DIAPH2: variants seen among roughly 807,000 people sequenced by gnomAD.
The protein encoded by DIAPH2 is diaphanous related formin 2.
Under a neutral mutation model 92.7 loss-of-function variants are expected in DIAPH2, and 35 were observed. That is an observed-to-expected ratio of 0.38 (90% CI 0.29 to 0.50). The LOEUF (loss-of-function observed/expected upper bound fraction) is 0.50. DIAPH2 is among the 20% of genes least tolerant of loss of function. DIAPH2 has a pLI of 0.94. For missense variants in DIAPH2, 701 were observed against 819.5 expected (o/e 0.86, Z 1.77); for synonymous variants, 301 against 280.4 (o/e 1.07, Z -0.73).
intron 26 of DIAPH2, among the ~76,000 whole-genome samples, chrX:97,588,224 A>G (rs1482976087): frequency 3.6e-5 from 4 of 112,519 alleles, no homozygotes; most frequent in Non-Finnish European, 5.6e-5. Context: ...GCATAAACGC[A>G]AAGTGGGCCT....
At chrX:97,115,461 G>A (rs1040881948) in intron 21 of DIAPH2, among the ~76,000 whole-genome samples, 3 of 110,810 alleles carry the variant, frequency 2.7e-5, no homozygotes, top group Non-Finnish European at 5.7e-5. Context: ...GCTTGAACAC[G>A]GGAGGCGGGG....
At chrX:97,327,230 C>G (rs1226996003) in intron 23 of DIAPH2, among the ~76,000 whole-genome samples, 1 of 109,648 alleles carries the variant, frequency 9.1e-6, no homozygotes, top group Non-Finnish European at 1.9e-5. Flanking sequence ...TCCAAAGTAG[C>G]TGGGATTACA....
chrX:97,271,840 CACACACAT>C (rs1454709877), intron 23 of DIAPH2, among the ~76,000 whole-genome samples: 1 of 108,564 alleles, frequency 9.2e-6, no homozygotes, highest in Non-Finnish European at 1.9e-5. Context: ...CACACACACA[CACACACAT>C]GCGTACAGAC....
intron 17 of DIAPH2, among the ~76,000 whole-genome samples, chrX:96,979,537 T>C (rs907591425): frequency 1.8e-5 from 2 of 112,508 alleles, no homozygotes; most frequent in Non-Finnish European, 3.7e-5. Flanking sequence ...TTCATTTGGC[T>C]TGTATTTAGA....
chrX:97,366,519 T>C (rs2069382973), intron 24 of DIAPH2, among the ~76,000 whole-genome samples: 1 of 111,983 alleles, frequency 8.9e-6, no homozygotes, highest in Non-Finnish European at 1.9e-5. Flanking sequence ...CATTCTAGCA[T>C]CAAACCTCTC....
Position 96,735,748 on chromosome X carries a change from G to A in DIAPH2, c.133-10G>A. The A allele has an allele frequency of 9.5e-7, 1 of 1,054,054 alleles. No individual in the cohort carries two copies. Among genetic ancestry groups the A allele is most frequent in the Non-Finnish European group, 1.3e-6 (1 of 776,854 alleles). The allele number at this position is 1,054,054 out of a possible 1,213,427, so 86.9% of individuals were successfully genotyped here. A position where few individuals can be genotyped will look rare whatever the true frequency, so the allele number is the denominator to read the frequency against. ...GGTTTTTTTTGTTTGTTTCTTTTTGGTTTTAATAGAACATTCAAATAAAAA... is the reference window on the plus strand; with the variant it reads ...GGTTTTTTTTGTTTGTTTCTTTTTGATTTTAATAGAACATTCAAATAAAAA... On this transcript the variant is annotated splice_polypyrimidine_tract_variant and intron_variant, in intron 1 of 26. Transcript: ENST00000324765.
At chrX:97,428,443 C>T (rs1379950289) in intron 25 of DIAPH2, among the ~76,000 whole-genome samples, 1 of 108,355 alleles carries the variant, frequency 9.2e-6, no homozygotes, top group African/African-American at 3.4e-5. Context: ...ACAGGAGAAT[C>T]GCTTGAACCC....
At chrX:97,343,811 T>C (rs910055170) in intron 23 of DIAPH2, among the ~76,000 whole-genome samples, 1 of 111,757 alleles carries the variant, frequency 8.9e-6, no homozygotes, top group Admixed American at 9.5e-5. Flanking sequence ...CATATGCTGC[T>C]GAGACCTAAA....
intron 22 of DIAPH2, among the ~76,000 whole-genome samples, chrX:97,145,175 A>G (rs747796325): frequency 9.0e-6 from 1 of 111,696 alleles, no homozygotes; most frequent in Non-Finnish European, 1.9e-5. Context: ...GAGAATAATA[A>G]CAGTGAGATT....
At chrX:96,747,474 CTT>C (rs771118917) in intron 3 of DIAPH2, among the ~76,000 whole-genome samples, 16 of 112,155 alleles carry the variant, frequency 1.4e-4, no homozygotes, top group Non-Finnish European at 2.3e-4. Context: ...GTTTTACACT[CTT>C]TTCTATTCAG....
intron 8 of DIAPH2, among the ~76,000 whole-genome samples, chrX:96,916,870 CAGAG>C (rs1433348246): frequency 9.0e-6 from 1 of 111,202 alleles, no homozygotes; most frequent in African/African-American, 3.3e-5. Context: ...GGACAAAAAT[CAGAG>C]AGTTATTTTG....
chrX:97,599,249 A>G lies in DIAPH2; in HGVS notation c.3242-4A>G. ...TTTTGGTCCTTTTTCTGTTTGTCTT[A>G]CAGATAACAGACGAGTACCTTTGGA... On this transcript the variant is annotated splice_polypyrimidine_tract_variant and splice_region_variant and intron_variant, in intron 26 of 26. Transcript: ENST00000324765. The G allele has an allele frequency of 8.5e-7, 1 of 1,183,156 alleles. No homozygotes were observed.
At chrX:96,829,891 C>CTT (rs200939539) in intron 4 of DIAPH2, among the ~76,000 whole-genome samples, 13 of 99,646 alleles carry the variant, frequency 1.3e-4, no homozygotes, top group Middle Eastern at 5.2e-3. Context: ...TTTTCTTTTT[C>CTT]TTTTTTTTTT....
At chrX:97,171,811 G>A (rs932250897) in intron 22 of DIAPH2, among the ~76,000 whole-genome samples, 14 of 110,412 alleles carry the variant, frequency 1.3e-4, no homozygotes, top group African/African-American at 4.6e-4. Context: ...GTTGGGGCGG[G>A]CGCCTGTAGT....
chrX:96,976,988 A>G (rs2065966052), intron 17 of DIAPH2, among the ~76,000 whole-genome samples: 2 of 111,525 alleles, frequency 1.8e-5, no homozygotes, highest in African/African-American at 6.5e-5. Context: ...TTTTGTTTAC[A>G]TATCTAGTAA....
chrX:96,916,563 A>T lies in DIAPH2; in HGVS notation c.858A>T (p.Gly286=). 8.3e-7 allele frequency: 1 copy of T among 1,200,936 alleles called. No individual in the cohort carries two copies. Among genetic ancestry groups the T allele is most frequent in the Non-Finnish European group, 1.1e-6 (1 of 890,553 alleles). The change falls in exon 8 of 27, where the codon GGA becomes GGT. Residue 286 remains glycine (G), a synonymous_variant. Coordinates refer to ENST00000324765, the MANE Select transcript of DIAPH2 (RefSeq NM_006729.5). ...TACTTTCTGCTATTTGCATTGTTGG[A>T]GAAGAGAACATGTAAGTATTGCTAT... ...VKILSAICIV[G]EENILDKLLG...
chrX:97,431,535 C>T (rs2070127012), intron 26 of DIAPH2: 1 of 112,214 alleles, frequency 8.9e-6, no homozygotes, highest in Admixed American at 9.5e-5. Context: ...CTGTGAAACA[C>T]CAAGAATATA....
intron 26 of DIAPH2, among the ~76,000 whole-genome samples, chrX:97,539,698 G>C (rs1021020670): frequency 1.8e-5 from 2 of 111,553 alleles, no homozygotes; most frequent in African/African-American, 6.5e-5. Context: ...AGAAATCATA[G>C]TCTTTTGATA....
intron 5 of DIAPH2, among the ~76,000 whole-genome samples, chrX:96,903,170 A>G (rs1239272543): frequency 1.8e-5 from 2 of 109,928 alleles, no homozygotes; most frequent in Non-Finnish European, 3.8e-5. Flanking sequence ...TCTGCTGCCC[A>G]CTAGAATCAG....
Sources: gnomAD v4.1 joint callset for allele counts (sites outside exome capture counted in the v4.1 genomes callset) on GRCh38, gnomAD v4.1.1 for gene constraint, MANE v1.5 for transcripts, NCBI Gene and HGNC (gene_info 2026-07-23, HGNC 2026-07-21) for gene names.